The following CLASP1 variants were observed in gnomAD, a reference collection of about 807,000 sequenced individuals.
The protein encoded by CLASP1 is cytoplasmic linker associated protein 1, also known as CLIP-associating protein 1.
Under a neutral mutation model 192.3 loss-of-function variants are expected in CLASP1, and 38 were observed. The ratio of observed to expected loss-of-function variants is 0.20; its 90% CI spans 0.15 to 0.26. The LOEUF is 0.26. CLASP1 is among the 10% of genes least tolerant of loss of function. The probability of loss-of-function intolerance (pLI) is 1.00; values close to 1 mark genes in which losing one functional copy is unlikely to be tolerated. For synonymous variants in CLASP1, 691 were observed against 712.8 expected, an observed-to-expected ratio of 0.97 and a Z score of 0.49; for missense variants, 1,433 against 1,932.5, an observed-to-expected ratio of 0.74 and a Z score of 4.85.
exon 12 of CLASP1, chr2:121,460,018 C>A (rs908063102): frequency 1.2e-5 from 19 of 1,613,402 alleles, no homozygotes; most frequent in Non-Finnish European, 1.6e-5. Context: ...CCTGAGACCG[C>A]AGGTCCTTAG....
At chr2:121,557,379 T>G (rs1015018427) in intron 2 of CLASP1, among the ~76,000 whole-genome samples, 2 of 151,794 alleles carry the variant, frequency 1.3e-5, no homozygotes, top group Admixed American at 6.6e-5. Context: ...AGGTCAGGAG[T>G]TCGAGACCAG....
intron 2 of CLASP1, among the ~76,000 whole-genome samples, chr2:121,587,284 C>T (rs903163535): frequency 6.6e-6 from 1 of 152,064 alleles, no homozygotes; most frequent in Non-Finnish European, 1.5e-5. Context: ...AGATCAGAAC[C>T]TTAAGGGGTA....
At chr2:121,580,689 G>C (rs1416606616) in intron 2 of CLASP1, among the ~76,000 whole-genome samples, 1 of 152,150 alleles carries the variant, frequency 6.6e-6, no homozygotes, top group Non-Finnish European at 1.5e-5. Flanking sequence ...TATTCTCCTA[G>C]TGCTGGGTAG....
At position 121,627,695 on chromosome 2, in the gene CLASP1, A is replaced by C. The variant is rs973299935; in HGVS notation, c.-285-21515T>G. Among the ~76,000 whole-genome samples, 24 of 152,342 alleles carry C rather than the reference A, an allele frequency of 1.6e-4. 1 individual carries two copies. Among genetic ancestry groups the C allele is most frequent in the African/African-American group, 5.8e-4 (24 of 41,580 alleles). ...CTCCTCAGTATGAATCTGACGGACG[A>C]GGAAAACGTGCAGAGTCATGGACAG... On this transcript the variant is annotated intron_variant, in intron 1 of 39. Transcript: ENST00000263710.
chr2:121,501,435 G>T (rs966266478), intron 8 of CLASP1, among the ~76,000 whole-genome samples: 1 of 152,120 alleles, frequency 6.6e-6, no homozygotes, highest in Admixed American at 6.5e-5. Flanking sequence ...AAAGCTGAAA[G>T]TATGTAAGCT....
In CLASP1 at chr2:121,387,209, A is replaced by G. The variant is rs761404442; in HGVS notation, c.3287T>C (p.Ile1096Thr). The G allele has an allele frequency of 1.2e-5, 19 of 1,604,320 alleles. No homozygotes were observed. In the South Asian group the frequency reaches 1.7e-4, roughly 14 times the overall value. The stretch of plus-strand genomic sequence containing the variant: ...GGTGTGTCGGGAGGGCGTCCGGCCA[A>G]TCGTATTGCTTGGAGAGCCCTGGGG... Residue 1096 changes from isoleucine (I) to threonine (T), a missense_variant, in exon 32 of 40, where the codon ATT becomes ACT. Physicochemically the swap from Ile to Thr is moderately conservative, Grantham distance 89. This residue lies in a region of CLASP1 where 336 missense variants were observed against 358.0 expected (regional missense o/e 0.94). Coordinates refer to ENST00000263710, the Ensembl canonical transcript of CLASP1.
At chr2:121,550,768 C>A (rs2057964343) in intron 2 of CLASP1, among the ~76,000 whole-genome samples, 1 of 151,970 alleles carries the variant, frequency 6.6e-6, no homozygotes, top group African/African-American at 2.4e-5. Flanking sequence ...CAACCAAATT[C>A]ACAGCCAAAT....
chr2:121,534,696 T>C (rs1158512327), intron 2 of CLASP1, among the ~76,000 whole-genome samples: 1 of 151,990 alleles, frequency 6.6e-6, no homozygotes, highest in Non-Finnish European at 1.5e-5. Context: ...CCCAGCTAAT[T>C]TTTGTATTTT....
At chr2:121,427,595 GTTTATC>G in intron 20 of CLASP1, 165 bp from the exon 21 acceptor site, 1 of 680,318 alleles carries the variant, frequency 1.5e-6, no homozygotes, top group Non-Finnish European at 2.6e-6. Context: ...TTGTACTTAT[GTTTATC>G]TTTGTCATTC....
chr2:121,584,314 A>G (rs1462525129), intron 2 of CLASP1, among the ~76,000 whole-genome samples: 1 of 152,312 alleles, frequency 6.6e-6, no homozygotes, highest in Non-Finnish European at 1.5e-5. Context: ...AAACAGACTA[A>G]GACGTTCTCT....
chr2:121,511,637 T>A (rs1219506036), intron 7 of CLASP1, among the ~76,000 whole-genome samples: 4 of 149,516 alleles, frequency 2.7e-5, no homozygotes, highest in Non-Finnish European at 5.9e-5. Flanking sequence ...TCAGCCTGCA[T>A]AGTGAAAAGT....
rs572617298 is a variant in CLASP1 at position 121,441,591 on chromosome 2, C to A, written c.1912+5746G>T. Among the ~76,000 whole-genome samples, 336 of 151,904 alleles carry A rather than the reference C, an allele frequency of 2.2e-3. 1 individual carries two copies. Among genetic ancestry groups the A allele is most frequent in the African/African-American group, 6.6e-3 (272 of 41,396 alleles). ...AAAATTGAAAAATTAGCCAGGCAGG[C>A]GTGGTGGTGCACGCCTGTAGTCCCA... On this transcript the variant is annotated intron_variant, in intron 19 of 39. Coordinates refer to ENST00000263710, the Ensembl canonical transcript of CLASP1.
chr2:121,621,688 T>A (rs2067376243), intron 1 of CLASP1, among the ~76,000 whole-genome samples: 1 of 152,232 alleles, frequency 6.6e-6, no homozygotes, highest in African/African-American at 2.4e-5. Context: ...TTTATGCCAG[T>A]ATCAGATTGT....
intron 2 of CLASP1, among the ~76,000 whole-genome samples, chr2:121,563,903 G>A (rs2059298966): frequency 6.6e-6 from 1 of 152,206 alleles, no homozygotes; most frequent in African/African-American, 2.4e-5. Context: ...CCACATGGCT[G>A]GAGAGGCCTC....
chr2:121,588,341 C>G (rs189473208), intron 2 of CLASP1, among the ~76,000 whole-genome samples: 1 of 152,178 alleles, frequency 6.6e-6, no homozygotes, highest in East Asian at 1.9e-4. Flanking sequence ...CTAAAGAATT[C>G]AAACTTCACA....
chr2:121,394,473 T>C (rs1190302212), intron 30 of CLASP1, among the ~76,000 whole-genome samples: 1 of 152,264 alleles, frequency 6.6e-6, no homozygotes, highest in African/African-American at 2.4e-5. Context: ...AATGAGCTGT[T>C]AATCTTATTG....
chr2:121,460,172 C>A (rs899402395), intron 11 of CLASP1, 47 bp from the exon 12 acceptor site: 2 of 1,472,506 alleles, frequency 1.4e-6, no homozygotes, highest in Admixed American at 1.9e-5. Context: ...AATTCTAACA[C>A]AGACTATACA....
intron 26 of CLASP1, 113 bp downstream of exon 27, chr2:121,404,258 T>G: frequency 6.7e-7 from 1 of 1,488,066 alleles, no homozygotes. Flanking sequence ...GGTGTGACTC[T>G]GTAAGGTCGG....
At chr2:121,453,608 C>T (rs1384685640) in intron 14 of CLASP1, among the ~76,000 whole-genome samples, 3 of 152,196 alleles carry the variant, frequency 2.0e-5, no homozygotes, top group Non-Finnish European at 2.9e-5. Context: ...CTACTTTCAC[C>T]CTTTTGCCTG....
Sources: allele counts gnomAD v4.1 joint callset (sites outside exome capture counted in the v4.1 genomes callset), GRCh38; gene constraint gnomAD v4.1.1; regional missense constraint gnomAD v4.1.1; transcripts MANE v1.5; gene names NCBI Gene and HGNC (gene_info 2026-07-23, HGNC 2026-07-21).